TNFRSF9: variants seen among roughly 807,000 people sequenced by gnomAD.
TNFRSF9 encodes the protein tumor necrosis factor receptor superfamily member 9.
Under a neutral mutation model 28.8 loss-of-function variants are expected in TNFRSF9, and 16 were observed. The observed-to-expected ratio is 0.55, with a 90% CI of 0.38 to 0.84. The LOEUF is 0.84. TNFRSF9 is among the 40% of genes least tolerant of loss of function. TNFRSF9 has a pLI of 0.00. For missense variants in TNFRSF9, 303 were observed against 315.0 expected (o/e 0.96, Z 0.29); for synonymous variants, 131 against 117.0 (o/e 1.12, Z -0.77).
chr1:7,929,786 C>A (rs758504161), intron 7 of TNFRSF9, among the ~76,000 whole-genome samples: 7 of 152,008 alleles, frequency 4.6e-5, no homozygotes, highest in Non-Finnish European at 8.8e-5. Context: ...TATACAACTC[C>A]ACATGTGTGA....
At chr1:7,923,667 G>C (rs1228171730) in intron 7 of TNFRSF9, among the ~76,000 whole-genome samples, 2 of 152,124 alleles carry the variant, frequency 1.3e-5, no homozygotes, top group Non-Finnish European at 2.9e-5. Flanking sequence ...GCAAGACCCT[G>C]TCTCTACAAA....
intron 7 of TNFRSF9, among the ~76,000 whole-genome samples, chr1:7,932,118 C>A (rs1410044708): frequency 2.0e-5 from 3 of 152,016 alleles, no homozygotes; most frequent in African/African-American, 7.2e-5. Flanking sequence ...GCCTGGGCAA[C>A]AAGAGTGAAA....
chr1:7,921,523 G>C (rs774082171), intron 7 of TNFRSF9, among the ~76,000 whole-genome samples: 5 of 151,856 alleles, frequency 3.3e-5, no homozygotes, highest in Admixed American at 6.6e-5. Flanking sequence ...AAAAAAATTA[G>C]CTGGGCGTGG....
intron 7 of TNFRSF9, among the ~76,000 whole-genome samples, chr1:7,924,687 G>T (rs1007227798): frequency 6.6e-6 from 1 of 151,998 alleles, no homozygotes; most frequent in Admixed American, 6.6e-5. Context: ...ACAGCCTCAG[G>T]CAGGTCCTTT....
At chr1:7,923,256 G>A (rs144906939) in intron 7 of TNFRSF9, among the ~76,000 whole-genome samples, 10 of 152,172 alleles carry the variant, frequency 6.6e-5, no homozygotes, top group East Asian at 1.9e-4. Flanking sequence ...AAAAAACACC[G>A]TGGCTCCGCC....
At chr1:7,939,817 G>T (rs1048991867) in intron 2 of TNFRSF9, 78 bp downstream of exon 2, 2 of 1,102,966 alleles carry the variant, frequency 1.8e-6, no homozygotes, top group Admixed American at 2.0e-5. Flanking sequence ...AAGGGAGCTC[G>T]TTAGCCCTGA....
intron 7 of TNFRSF9, chr1:7,921,938 G>T (rs1402621112): frequency 6.6e-6 from 1 of 152,100 alleles, no homozygotes; most frequent in Admixed American, 6.5e-5. Context: ...CGTCTTGAGG[G>T]TTACTGAGAT....
intron 5 of TNFRSF9, among the ~76,000 whole-genome samples, chr1:7,937,189 T>C (rs943475914): frequency 3.9e-5 from 6 of 152,162 alleles, no homozygotes; most frequent in African/African-American, 1.4e-4. Context: ...TTTTCCTTTC[T>C]TTTGAGACAG....
At position 7,939,896 on chromosome 1, in the gene TNFRSF9, A is replaced by C; in HGVS notation, c.99T>G (p.Ala33=). 6.3e-7 allele frequency: 1 copy of C among 1,593,748 alleles called. No homozygotes were observed. Among genetic ancestry groups the C allele is most frequent in the Non-Finnish European group, 8.6e-7 (1 of 1,163,868 alleles). Residue 33 remains alanine, a splice_region_variant and synonymous_variant, in exon 2 of 8, where the codon GCT becomes GCG. Coordinates refer to ENST00000377507, the MANE Select transcript of TNFRSF9 (RefSeq NM_001561.6). ...TGCACATGATAACTGGGTACTCACC[A>C]GCTGGGCAGTTACTACAAGGATCCT... The part of the protein sequence containing the change: ...SLQDPCSNCP[A]GTFCDNNRNQ...
intron 5 of TNFRSF9, among the ~76,000 whole-genome samples, chr1:7,937,365 C>G (rs1215781413): frequency 6.6e-6 from 1 of 152,126 alleles, no homozygotes; most frequent in Non-Finnish European, 1.5e-5. Context: ...CAGGGTCTCA[C>G]CCAGGCTGGT....
At position 7,923,728 on chromosome 1, in the gene TNFRSF9, C is replaced by T. The variant is rs1040598406; in HGVS notation, c.680-2805G>A. Among the ~76,000 whole-genome samples the T allele has an allele frequency of 1.5e-4, 23 of 152,232 alleles. 1 individual carries two copies. Among genetic ancestry groups the T allele is most frequent in the Admixed American group, 1.2e-3 (19 of 15,282 alleles). Reference sequence around the variant, plus strand: ...TGGCACATGACTGTAGTCTCAGCTACTCTGGAGGCTGAGGTGGGAGGATCA... The same window carrying T: ...TGGCACATGACTGTAGTCTCAGCTATTCTGGAGGCTGAGGTGGGAGGATCA... On this transcript the variant is annotated intron_variant, in intron 7 of 7. Coordinates refer to ENST00000377507, the MANE Select transcript of TNFRSF9 (RefSeq NM_001561.6).
At chr1:7,922,833 A>G (rs752329353) in intron 7 of TNFRSF9, among the ~76,000 whole-genome samples, 1 of 151,836 alleles carries the variant, frequency 6.6e-6, no homozygotes, top group Non-Finnish European at 1.5e-5. Flanking sequence ...TAAAAAACTA[A>G]GAGGAGCTTG....
rs201133913 is a variant in TNFRSF9, at chr1:7,939,961, G to C, written c.34C>G (p.Leu12Val). The part of the protein sequence containing the change: ...GNSCYNIVAT[L>V]LLVLNFERTR... ...CTCTCAAAGTTGAGGACCAGCAACA[G>C]AGTGGCTACTATGTTGTAACAGCTG... The change falls in exon 2 of 8, where the codon CTG becomes GTG. Residue 12 changes from leucine (L) to valine (V), a missense_variant. Transcript: ENST00000377507. 62 of 1,605,046 alleles carry C rather than the reference G, an allele frequency of 3.9e-5. No individual in the cohort carries two copies. In the East Asian group the frequency reaches 1.1e-3, roughly 30 times the overall value.
rs550608655 is a variant in TNFRSF9, at chr1:7,926,220, G to A, written c.680-5297C>T. Among the ~76,000 whole-genome samples the A allele has an allele frequency of 1.4e-4, 22 of 152,090 alleles. No individual in the cohort carries two copies. The South Asian group carries it at 4.2e-3, about 29-fold the overall frequency. Reference sequence around the variant, plus strand: ...CTGGCAAAGATCATATTATTTTCACGGTACCTCTTCTATGTTTAGATATGT... The same window carrying A: ...CTGGCAAAGATCATATTATTTTCACAGTACCTCTTCTATGTTTAGATATGT... On this transcript the variant is annotated intron_variant, in intron 7 of 7. Transcript: ENST00000377507.
At position 7,920,700 on chromosome 1, in the gene TNFRSF9, G is replaced by T; in HGVS notation, c.*135C>A. On this transcript the variant is annotated 3_prime_UTR_variant, in exon 8 of 8. Transcript: ENST00000377507. Reference sequence around the variant, plus strand: ...TTAAAGGCCAACTCATTGGCATTTAGAAAAGAACGTGTGTTGGGGGAATCC... The same window carrying T: ...TTAAAGGCCAACTCATTGGCATTTATAAAAGAACGTGTGTTGGGGGAATCC... The T allele has an allele frequency of 1.4e-6, 1 of 702,546 alleles. No individual in the cohort carries two copies. Among genetic ancestry groups the T allele is most frequent in the Non-Finnish European group, 2.4e-6 (1 of 410,018 alleles). 43.5% of individuals were successfully genotyped at this position (702,546 alleles called of 1,614,324 possible).
At chr1:7,921,729 C>T (rs145568477) in intron 7 of TNFRSF9, 2 of 152,130 alleles carry the variant, frequency 1.3e-5, no homozygotes, top group African/African-American at 4.8e-5. Context: ...AGAGAGGTAA[C>T]AGCAAGGATG....
At chr1:7,931,304 G>A (rs141546709) in intron 7 of TNFRSF9, among the ~76,000 whole-genome samples, 9 of 152,318 alleles carry the variant, frequency 5.9e-5, no homozygotes, top group Non-Finnish European at 1.2e-4. Context: ...ACGTGTTTAC[G>A]TGTGCTGAGA....
chr1:7,933,931 C>T (rs760659399), intron 6 of TNFRSF9, among the ~76,000 whole-genome samples: 6 of 151,752 alleles, frequency 4.0e-5, no homozygotes, highest in Admixed American at 1.3e-4. Flanking sequence ...TCAGGAGAAT[C>T]GCTTGAACCT....
intron 7 of TNFRSF9, among the ~76,000 whole-genome samples, chr1:7,927,954 T>C (rs1347394029): frequency 2.6e-5 from 4 of 152,086 alleles, no homozygotes; most frequent in African/African-American, 9.7e-5. Flanking sequence ...TACGAAGAAC[T>C]CTTGAATCTC....
Sources: allele counts gnomAD v4.1 joint callset (sites outside exome capture counted in the v4.1 genomes callset), GRCh38; gene constraint gnomAD v4.1.1; transcripts MANE v1.5; gene names NCBI Gene and HGNC (gene_info 2026-07-23, HGNC 2026-07-21).